The following PRKN variants were observed in gnomAD, a reference collection of about 807,000 sequenced individuals.
PRKN encodes the protein parkin RBR E3 ubiquitin protein ligase.
Under a neutral mutation model 59.5 loss-of-function variants are expected in PRKN, and 56 were observed. That is an observed-to-expected ratio of 0.94 (90% CI 0.76 to 1.18). The LOEUF (loss-of-function observed/expected upper bound fraction) is 1.18. Among genes scored for constraint, PRKN ranks in the 50% most tolerant of loss-of-function variants. The probability of loss-of-function intolerance (pLI) is 0.00; values close to 1 mark genes in which losing one functional copy is unlikely to be tolerated. For missense variants in PRKN, 657 were observed against 596.4 expected (o/e 1.10, Z -1.06); for synonymous variants, 250 against 222.1 (o/e 1.13, Z -1.12).
intron 6 of PRKN, among the ~76,000 whole-genome samples, chr6:161,865,934 G>A (rs186680024): frequency 1.2e-4 from 18 of 152,280 alleles, no homozygotes; most frequent in Admixed American, 9.2e-4. Flanking sequence ...AGCTTTCAAC[G>A]TCTTCCTCAC....
At chr6:161,469,340 AG>A (rs1217994719) in intron 9 of PRKN, among the ~76,000 whole-genome samples, 2 of 152,128 alleles carry the variant, frequency 1.3e-5, no homozygotes, top group Non-Finnish European at 2.9e-5. Flanking sequence ...CCATGATGTA[AG>A]TTTCCTGAGG....
intron 1 of PRKN, among the ~76,000 whole-genome samples, chr6:162,547,533 A>C (rs1292119945): frequency 6.6e-6 from 1 of 152,012 alleles, no homozygotes; most frequent in East Asian, 1.9e-4. Flanking sequence ...GAGATAAATG[A>C]AGCCCAGATA....
At chr6:162,021,459 A>T (rs1449146379) in intron 5 of PRKN, among the ~76,000 whole-genome samples, 4 of 33,910 alleles carry the variant, frequency 1.2e-4, no homozygotes, top group African/African-American at 2.8e-4. Flanking sequence ...ATATATATAT[A>T]TATTTTTTTT....
intron 1 of PRKN, among the ~76,000 whole-genome samples, chr6:162,469,533 C>A (rs1353800630): frequency 2.0e-5 from 3 of 150,612 alleles, no homozygotes; most frequent in East Asian, 2.0e-4. Context: ...CACACACATA[C>A]ACATACTACT....
chr6:161,663,020 T>C (rs1482367277), intron 7 of PRKN, among the ~76,000 whole-genome samples: 1 of 152,136 alleles, frequency 6.6e-6, no homozygotes, highest in East Asian at 1.9e-4. Flanking sequence ...GTCATGATAA[T>C]GAATAAGTCT....
chr6:162,521,118 A>C (rs1157107269), intron 1 of PRKN, among the ~76,000 whole-genome samples: 2 of 152,180 alleles, frequency 1.3e-5, no homozygotes, highest in Non-Finnish European at 1.5e-5. Context: ...AATTGATTTC[A>C]TTTTTGCATT....
rs1778696684 is a variant in PRKN, at chr6:161,518,435, GCTGGGCAGCAGC to G, written c.1083+30407_1083+30418del. Among the ~76,000 whole-genome samples the G allele has an allele frequency of 6.6e-6, 1 of 152,244 alleles. No individual in the cohort carries two copies. Among genetic ancestry groups the G allele is most frequent in the South Asian group, 2.1e-4 (1 of 4,834 alleles). On this transcript the variant is annotated intron_variant, in intron 9 of 11. Transcript: ENST00000366898. This position sits in a 1 kb window ranked among gnomAD's most constrained non-coding sequence, Gnocchi z 5.0. ...GCCTGTAGTCCCAGCTACTTGGGAGGCTGGGCAGCAGCCTGGGCAGCAAGGTCAAGTGCAGGC... is the reference window on the plus strand; with the variant it reads ...GCCTGTAGTCCCAGCTACTTGGGAGGCTGGGCAGCAAGGTCAAGTGCAGGC...
rs1276313725 is a variant in PRKN at position 161,360,794 on chromosome 6, T to C, written c.1168-589A>G. Among the ~76,000 whole-genome samples the C allele has an allele frequency of 6.6e-6, 1 of 152,056 alleles. No individual in the cohort carries two copies. The highest frequency in any genetic ancestry group is 1.5e-5 in the Non-Finnish European group (1 of 67,996). ...ATGTGCCAGAGAGGGCAGTGGGAGC[T>C]GTGAGTGAAGACTGTGGCCCTGGAA... On this transcript the variant is annotated intron_variant, in intron 10 of 11. Coordinates refer to ENST00000366898, the MANE Select transcript of PRKN (RefSeq NM_004562.3). This position sits in a 1 kb window ranked among gnomAD's most constrained non-coding sequence, Gnocchi z 5.1.
At chr6:162,496,333 ACTT>A (rs1288653973) in intron 1 of PRKN, among the ~76,000 whole-genome samples, 2 of 152,178 alleles carry the variant, frequency 1.3e-5, no homozygotes, top group African/African-American at 4.8e-5. Flanking sequence ...TGCATGAGTA[ACTT>A]CTACATTCTT....
intron 5 of PRKN, among the ~76,000 whole-genome samples, chr6:162,035,464 T>C (rs1238682148): frequency 1.3e-5 from 2 of 152,212 alleles, no homozygotes; most frequent in East Asian, 1.9e-4. Flanking sequence ...TGATCTGTGT[T>C]TAAAGTACAT....
rs114628254 is a variant in PRKN, at chr6:161,737,409, A to G, written c.871+48363T>C. On this transcript the variant is annotated intron_variant, in intron 7 of 11. Coordinates refer to ENST00000366898, the MANE Select transcript of PRKN (RefSeq NM_004562.3). ...CAGAGGCAGGGATGGAGAGGGGAGAACAATCTGAAAACTATCTAAGGATAT... is the reference window on the plus strand; with the variant it reads ...CAGAGGCAGGGATGGAGAGGGGAGAGCAATCTGAAAACTATCTAAGGATAT... Among the ~76,000 whole-genome samples the G allele has an allele frequency of 5.2e-3, 792 of 152,368 alleles. 4 individuals are homozygous for G. The highest frequency in any genetic ancestry group is 0.018 in the African/African-American group (750 of 41,600).
At chr6:162,096,811 CT>C in intron 4 of PRKN, among the ~76,000 whole-genome samples, 1 of 119,856 alleles carries the variant, frequency 8.3e-6, no homozygotes, top group Non-Finnish European at 1.7e-5. Context: ...TTGGGTATGT[CT>C]TTATCAGAGT....
chr6:162,377,481 T>G (rs993187084), intron 2 of PRKN, among the ~76,000 whole-genome samples: 2 of 152,206 alleles, frequency 1.3e-5, no homozygotes, highest in Non-Finnish European at 2.9e-5. Flanking sequence ...TGTCTCTTTC[T>G]TTGATTTCTC....
At chr6:162,583,356 T>C (rs1036449783) in intron 1 of PRKN, among the ~76,000 whole-genome samples, 1 of 152,244 alleles carries the variant, frequency 6.6e-6, no homozygotes, top group Non-Finnish European at 1.5e-5. Context: ...AGTTAGCTTC[T>C]GAAGTGACCA....
intron 5 of PRKN, among the ~76,000 whole-genome samples, chr6:162,002,056 T>C (rs7767219): frequency 0.48 from 72,194 of 151,664 alleles, 17,404 homozygotes; most frequent in East Asian, 0.6. Flanking sequence ...TACATTGATT[T>C]GCTCATATTT....
intron 2 of PRKN, among the ~76,000 whole-genome samples, chr6:162,374,309 T>C (rs1785930303): frequency 6.6e-6 from 1 of 152,218 alleles, no homozygotes; most frequent in South Asian, 2.1e-4. Context: ...TTTAGGTTAC[T>C]TTTCTGTAAG....
chr6:161,941,149 AATTATTTTC>A (rs1212067368), intron 6 of PRKN, among the ~76,000 whole-genome samples: 2 of 152,174 alleles, frequency 1.3e-5, no homozygotes, highest in African/African-American at 2.4e-5. Context: ...AGGTGTGGAC[AATTATTTTC>A]ATTTTCCTGC....
intron 5 of PRKN, among the ~76,000 whole-genome samples, chr6:162,034,827 C>T (rs948045989): frequency 2.6e-5 from 4 of 152,154 alleles, no homozygotes; most frequent in Admixed American, 1.3e-4. Context: ...AACCTTTTAT[C>T]ACGGAATTAT....
At chr6:162,281,948 C>T (rs575321582) in intron 2 of PRKN, among the ~76,000 whole-genome samples, 3 of 152,188 alleles carry the variant, frequency 2.0e-5, no homozygotes, top group Admixed American at 1.3e-4. Context: ...GTTAGATTCT[C>T]GTAAGAAGCA....
Sources: allele counts gnomAD v4.1 joint callset (sites outside exome capture counted in the v4.1 genomes callset), GRCh38; gene constraint gnomAD v4.1.1; non-coding constraint Gnocchi (gnomAD v3.1); transcripts MANE v1.5; gene names NCBI Gene and HGNC (gene_info 2026-07-23, HGNC 2026-07-21).